SUCLG2: variants seen among roughly 807,000 people sequenced by gnomAD.
SUCLG2 encodes the protein succinate-CoA ligase GDP-forming subunit beta, also known as succinate--CoA ligase [GDP-forming] subunit beta, mitochondrial.
SUCLG2 carries 42 observed loss-of-function variants against 47.9 expected under a neutral mutation model. The ratio of observed to expected loss-of-function variants is 0.88; its 90% CI spans 0.69 to 1.14. The LOEUF (loss-of-function observed/expected upper bound fraction) is 1.14. Among genes scored for constraint, SUCLG2 ranks in the 50% most tolerant of loss-of-function variants. SUCLG2 has a pLI of 0.00. For missense variants in SUCLG2, 571 were observed against 525.9 expected (o/e 1.09, Z -0.84); for synonymous variants, 195 against 197.3 (o/e 0.99, Z 0.10).
At chr3:67,418,061 G>T (rs953755082) in intron 9 of SUCLG2, among the ~76,000 whole-genome samples, 3 of 152,154 alleles carry the variant, frequency 2.0e-5, no homozygotes, top group African/African-American at 4.8e-5. Context: ...CATGCAGTAG[G>T]TTCTGATTCT....
At chr3:67,623,860 T>C (rs1243009947) in intron 1 of SUCLG2, among the ~76,000 whole-genome samples, 1 of 152,222 alleles carries the variant, frequency 6.6e-6, no homozygotes, top group African/African-American at 2.4e-5. Flanking sequence ...GAAGGTGCTT[T>C]GTAAACCCTA....
At chr3:67,429,485 C>G (rs1229899134) in intron 9 of SUCLG2, among the ~76,000 whole-genome samples, 5 of 152,198 alleles carry the variant, frequency 3.3e-5, no homozygotes, top group Non-Finnish European at 7.3e-5. Context: ...GTACCAGCCA[C>G]TGCAAAAACG....
intron 2 of SUCLG2, among the ~76,000 whole-genome samples, chr3:67,597,147 C>T (rs1217341424): frequency 6.6e-6 from 1 of 152,182 alleles, no homozygotes; most frequent in African/African-American, 2.4e-5. Context: ...TGTTCTGTGG[C>T]ATCAGACAGG....
intron 2 of SUCLG2, among the ~76,000 whole-genome samples, chr3:67,578,035 T>G (rs982473911): frequency 1.3e-5 from 2 of 151,864 alleles, no homozygotes; most frequent in Non-Finnish European, 2.9e-5. Flanking sequence ...AGGGGTTTAT[T>G]TTGTATCTTC....
intron 9 of SUCLG2, among the ~76,000 whole-genome samples, chr3:67,436,218 G>C (rs886564606): frequency 4.6e-5 from 7 of 152,154 alleles, no homozygotes; most frequent in African/African-American, 1.7e-4. Context: ...GAATGAGCAG[G>C]AAAACAAAAT....
chr3:67,441,477 G>A (rs937547490), intron 9 of SUCLG2, among the ~76,000 whole-genome samples: 1 of 152,012 alleles, frequency 6.6e-6, no homozygotes, highest in African/African-American at 2.4e-5. Flanking sequence ...AAATATGTCT[G>A]CGTGTGAGCT....
intron 10 of SUCLG2, among the ~76,000 whole-genome samples, chr3:67,384,955 G>GGAC (rs768418506): frequency 4.6e-5 from 7 of 152,204 alleles, no homozygotes; most frequent in Non-Finnish European, 8.8e-5. Flanking sequence ...TTCTGCCTCA[G>GGAC]GACAGCCTCA....
rs148468208 is a variant in SUCLG2, at chr3:67,423,154, T to TG, written c.1063-22304dup. On this transcript the variant is annotated intron_variant, in intron 9 of 10. Transcript: ENST00000307227. ...GGACCAGGTGGATGTAATTGGATCATGGGGGCGGTTCCCCCATGCTGTTCG... is the reference window on the plus strand; with the variant it reads ...GGACCAGGTGGATGTAATTGGATCATGGGGGGCGGTTCCCCCATGCTGTTCG... 1.6e-4 allele frequency among the ~76,000 whole-genome samples: 24 copies of TG among 152,278 alleles called. No individual in the cohort carries two copies. In the East Asian group the frequency reaches 3.9e-3, roughly 25 times the overall value.
At chr3:67,571,581 T>G (rs1302447946) in intron 2 of SUCLG2, among the ~76,000 whole-genome samples, 8 of 151,962 alleles carry the variant, frequency 5.3e-5, no homozygotes, top group Admixed American at 5.2e-4. Flanking sequence ...TAGCATGTAT[T>G]CCACAGAATT....
intron 10 of SUCLG2, among the ~76,000 whole-genome samples, chr3:67,369,573 G>C (rs903778529): frequency 8.5e-5 from 13 of 152,336 alleles, no homozygotes; most frequent in African/African-American, 3.1e-4. Context: ...GTAGCGGGGA[G>C]GAAAGGAGAG....
At chr3:67,561,047 A>ACTC (rs776462007) in intron 2 of SUCLG2, among the ~76,000 whole-genome samples, 14 of 145,398 alleles carry the variant, frequency 9.6e-5, no homozygotes, top group Non-Finnish European at 1.9e-4. Flanking sequence ...TAGGCTTCTG[A>ACTC]CTCCACAAGA....
At chr3:67,652,077 G>A (rs1432223572) in intron 1 of SUCLG2, among the ~76,000 whole-genome samples, 1 of 146,086 alleles carries the variant, frequency 6.8e-6, no homozygotes, top group Non-Finnish European at 1.5e-5. Context: ...AAAACTATAT[G>A]AAAAATAAGA....
intron 9 of SUCLG2, among the ~76,000 whole-genome samples, chr3:67,442,576 A>G (rs1703795279): frequency 6.6e-6 from 1 of 152,158 alleles, no homozygotes; most frequent in Admixed American, 6.5e-5. Context: ...CTTTGTTCCT[A>G]CTGATGGCTG....
At chr3:67,612,466 G>A (rs1700546912) in intron 1 of SUCLG2, among the ~76,000 whole-genome samples, 1 of 152,114 alleles carries the variant, frequency 6.6e-6, no homozygotes, top group Non-Finnish European at 1.5e-5. Context: ...GCAAATGGAT[G>A]GTAGAAAGTA....
At chr3:67,433,624 C>T (rs1183878680) in intron 9 of SUCLG2, among the ~76,000 whole-genome samples, 2 of 152,012 alleles carry the variant, frequency 1.3e-5, no homozygotes, top group Admixed American at 6.6e-5. Context: ...AACTGAGTAG[C>T]GAGGTAGATG....
chr3:67,363,682 C>T (rs1701838833), intron 10 of SUCLG2, among the ~76,000 whole-genome samples: 1 of 152,122 alleles, frequency 6.6e-6, no homozygotes, highest in Non-Finnish European at 1.5e-5. Flanking sequence ...TTACAATCTT[C>T]ACATTTTAAA....
intron 9 of SUCLG2, among the ~76,000 whole-genome samples, chr3:67,402,656 G>A (rs1702713170): frequency 6.6e-6 from 1 of 152,184 alleles, no homozygotes; most frequent in Admixed American, 6.5e-5. Context: ...TGACTCCATG[G>A]GGTCCATGAT....
intron 2 of SUCLG2, among the ~76,000 whole-genome samples, chr3:67,576,581 G>C (rs984532609): frequency 1.3e-5 from 2 of 152,124 alleles, no homozygotes; most frequent in Non-Finnish European, 2.9e-5. Flanking sequence ...AACAGTTTAG[G>C]GAAATGTCAA....
At chr3:67,448,521 A>C (rs535916893) in intron 9 of SUCLG2, among the ~76,000 whole-genome samples, 84 of 152,258 alleles carry the variant, frequency 5.5e-4, no homozygotes, top group Non-Finnish European at 9.6e-4. Context: ...AGTAGCTGGG[A>C]TTACAGACAT....
Sources: gnomAD v4.1 joint callset for allele counts (sites outside exome capture counted in the v4.1 genomes callset) on GRCh38, gnomAD v4.1.1 for gene constraint, MANE v1.5 for transcripts, NCBI Gene and HGNC (gene_info 2026-07-23, HGNC 2026-07-21) for gene names.